Variants in ZFR2 observed in about 807,000 individuals in gnomAD.
ZFR2 encodes zinc finger RNA binding protein 2.
ZFR2 carries 104 observed loss-of-function variants against 105.7 expected under a neutral mutation model. That is an observed-to-expected ratio of 0.98 (90% CI 0.84 to 1.16). ZFR2 has a LOEUF of 1.16. ZFR2 is among the 50% of genes most tolerant of loss of function. The pLI, the probability that ZFR2 is intolerant of heterozygous loss-of-function variation, is 0.00. For missense variants in ZFR2, 1,425 were observed against 1,355.5 expected (o/e 1.05, Z -0.80); for synonymous variants, 634 against 597.7 (o/e 1.06, Z -0.89).
Position 3,827,543 on chromosome 19 carries a change from G to C in ZFR2, c.963C>G (p.Cys321Trp). The C allele has an allele frequency of 6.4e-7, 1 of 1,561,788 alleles. No homozygotes were observed. The change falls in exon 6 of 19, where the codon TGC becomes TGG. Residue 321 changes from cysteine to tryptophan, a missense_variant. Coordinates refer to ENST00000262961, the MANE Select transcript of ZFR2 (RefSeq NM_015174.2). Reference protein sequence around the residue: ...SPRGVQAQLHCDLCAVSCTGA... With the variant: ...SPRGVQAQLHWDLCAVSCTGA... Reference sequence around the variant, plus strand: ...CGGTGCAGGACACGGCGCACAGGTCGCAATGCAGCTGCGCCTGCACCCCGC... The same window carrying C: ...CGGTGCAGGACACGGCGCACAGGTCCCAATGCAGCTGCGCCTGCACCCCGC...
At chr19:3,842,275 A>C (rs545826460) in intron 1 of ZFR2, among the ~76,000 whole-genome samples, 1 of 152,210 alleles carries the variant, frequency 6.6e-6, no homozygotes, top group Non-Finnish European at 1.5e-5. Flanking sequence ...CGGCTTCCCA[A>C]AGCACAGGAA....
intron 1 of ZFR2, among the ~76,000 whole-genome samples, chr19:3,866,393 TGC>T (rs1599261945): frequency 2.7e-5 from 4 of 150,560 alleles, no homozygotes; most frequent in Admixed American, 2.0e-4. Flanking sequence ...AACACCGGGT[TGC>T]GTGTATACTG....
chr19:3,831,004 G>T (rs568461094), intron 5 of ZFR2, among the ~76,000 whole-genome samples: 11 of 150,608 alleles, frequency 7.3e-5, no homozygotes, highest in African/African-American at 2.2e-4. Flanking sequence ...TGCACACACA[G>T]GCACATGCAG....
At chr19:3,832,292 T>C (rs1599237305) in intron 3 of ZFR2, among the ~76,000 whole-genome samples, 1 of 152,106 alleles carries the variant, frequency 6.6e-6, no homozygotes, top group Non-Finnish European at 1.5e-5. Context: ...GAGGCTCACC[T>C]GCAAATCTAG....
chr19:3,847,360 C>A (rs1049572805), intron 1 of ZFR2, among the ~76,000 whole-genome samples: 1 of 151,970 alleles, frequency 6.6e-6, no homozygotes, highest in African/African-American at 2.4e-5. Flanking sequence ...CCCATCTCTA[C>A]TAAAAACACA....
In ZFR2 at chr19:3,813,843, C is replaced by T. The variant is rs766142112; in HGVS notation, c.2219G>A (p.Arg740Gln). The part of the protein sequence containing the change: ...VTISVTSPLM[R>Q]EDPSTDPGVE... ...ACCTGGGTCTGTGGAGGGGTCCTCC[C>T]GCATCAGAGGTGAGGTGACAGATAT... Residue 740 changes from arginine (R) to glutamine (Q), a missense_variant, in exon 14 of 19, where the codon CGG (arginine) becomes CAG (glutamine). By Grantham distance (43) the Arg-to-Gln change is conservative. Coordinates refer to ENST00000262961, the MANE Select transcript of ZFR2 (RefSeq NM_015174.2). The surrounding 1 kb of genome is among the most constrained non-coding windows in gnomAD (Gnocchi z 4.4). 24 of 1,613,738 alleles carry T rather than the reference C, an allele frequency of 1.5e-5. No homozygotes were observed. The highest frequency in any genetic ancestry group is 5.3e-5 in the African/African-American group (4 of 75,000).
intron 1 of ZFR2, among the ~76,000 whole-genome samples, chr19:3,864,551 G>A (rs1436820943): frequency 6.6e-6 from 1 of 152,190 alleles, no homozygotes; most frequent in Non-Finnish European, 1.5e-5. Flanking sequence ...AAAGAGAAAG[G>A]TAACGGCAGA....
chr19:3,823,412 A>G lies in ZFR2; in HGVS notation c.1214-9T>C. The G allele has an allele frequency of 1.9e-6, 3 of 1,596,842 alleles. No homozygotes were observed. Among genetic ancestry groups the G allele is most frequent in the African/African-American group, 1.3e-5 (1 of 74,302 alleles). ...CTGTGGCTCAGGAGGCCCTGAGGGGAAAAACCATGTCACTTATACCCTGTT... is the reference window on the plus strand; with the variant it reads ...CTGTGGCTCAGGAGGCCCTGAGGGGGAAAACCATGTCACTTATACCCTGTT... On this transcript the variant is annotated splice_polypyrimidine_tract_variant and intron_variant, in intron 7 of 18. Transcript: ENST00000262961. This position sits in a 1 kb window ranked among gnomAD's most constrained non-coding sequence, Gnocchi z 5.4.
At chr19:3,841,809 C>CA (rs2038135638) in intron 1 of ZFR2, among the ~76,000 whole-genome samples, 2 of 151,768 alleles carry the variant, frequency 1.3e-5, no homozygotes, top group African/African-American at 4.8e-5. Flanking sequence ...TGTATTGAGA[C>CA]AGAGTCTCAC....
Position 3,831,680 on chromosome 19 carries a change from G to C in ZFR2, c.578C>G (p.Pro193Arg). The change falls in exon 4 of 19, where the codon CCC (proline) becomes CGC (arginine). Residue 193 changes from proline (P) to arginine (R), a missense_variant. Pro to Arg is a moderately radical substitution (Grantham distance 103). Coordinates refer to ENST00000262961, the MANE Select transcript of ZFR2 (RefSeq NM_015174.2). ...VTSYPPPSYN[P>R]TCTAYTAPSY... is the part of the protein sequence containing the mutation. ...CTTACCCGTGTAGGCGGTGCAGGTGGGGTTGTAGGAGGGCGGGGGGTAGGA... is the reference window on the plus strand; with the variant it reads ...CTTACCCGTGTAGGCGGTGCAGGTGCGGTTGTAGGAGGGCGGGGGGTAGGA... The C allele has an allele frequency of 6.4e-7, 1 of 1,564,092 alleles. No homozygotes were observed.
intron 1 of ZFR2, among the ~76,000 whole-genome samples, chr19:3,845,677 T>G (rs1367481198): frequency 6.7e-6 from 1 of 150,062 alleles, no homozygotes; most frequent in African/African-American, 2.5e-5. Context: ...CACCTGTAGT[T>G]CCAGCTACTC....
intron 1 of ZFR2, among the ~76,000 whole-genome samples, chr19:3,842,748 C>T (rs1487938284): frequency 1.3e-5 from 2 of 151,586 alleles, no homozygotes; most frequent in East Asian, 1.9e-4. Flanking sequence ...CTCAGCCTGT[C>T]GAGTAGCTGG....
Position 3,813,810 on chromosome 19 carries a change from T to C in ZFR2, c.2242+10A>G, listed in dbSNP as rs779802704. The C allele has an allele frequency of 6.2e-7, 1 of 1,613,392 alleles. No homozygotes were observed. Among genetic ancestry groups the C allele is most frequent in the South Asian group, 1.1e-5 (1 of 91,070 alleles). On this transcript the variant is annotated intron_variant, in intron 14 of 18. Coordinates refer to ENST00000262961, the MANE Select transcript of ZFR2 (RefSeq NM_015174.2). This position sits in a 1 kb window ranked among gnomAD's most constrained non-coding sequence, Gnocchi z 4.4. ...GGGGACAGTGGTTGGAAGGAAGGGC[T>C]GGGCCGCACCTGGGTCTGTGGAGGG...
At chr19:3,866,724 G>A (rs1185219652) in intron 1 of ZFR2, among the ~76,000 whole-genome samples, 2 of 152,182 alleles carry the variant, frequency 1.3e-5, no homozygotes, top group Non-Finnish European at 2.9e-5. Flanking sequence ...GCAGAGGGGT[G>A]GAGTGTGTCC....
Position 3,836,968 on chromosome 19 carries a change from A to G in ZFR2, c.54-1985T>C, listed in dbSNP as rs571947423. Among the ~76,000 whole-genome samples, 196 of 152,306 alleles carry G rather than the reference A, an allele frequency of 1.3e-3. 3 individuals are homozygous for G. The South Asian group carries it at 0.038, about 29-fold the overall frequency. ...AACCCCATAGGGGAAGGAGCAAGGT[A>G]TGAGGGTCATTTTGGGGAAAATGGA... On this transcript the variant is annotated intron_variant, in intron 1 of 18. Coordinates refer to ENST00000262961, the MANE Select transcript of ZFR2 (RefSeq NM_015174.2).
At chr19:3,863,560 T>C (rs543116997) in intron 1 of ZFR2, among the ~76,000 whole-genome samples, 4 of 152,202 alleles carry the variant, frequency 2.6e-5, no homozygotes, top group Non-Finnish European at 5.9e-5. Context: ...CCCAAAGTGC[T>C]GGGACTGCAG....
Position 3,827,378 on chromosome 19 carries a change from C to T in ZFR2, c.1035+93G>A, listed in dbSNP as rs534363617. 2,786 of 1,379,890 alleles carry T rather than the reference C, an allele frequency of 2.0e-3. 2 individuals are homozygous for T. Among genetic ancestry groups the T allele is most frequent in the Non-Finnish European group, 2.4e-3 (2,605 of 1,069,224 alleles). The allele number at this position is 1,379,890 out of a possible 1,614,324, so 85.5% of individuals were successfully genotyped here. A position where few individuals can be genotyped will look rare whatever the true frequency, so the allele number is the denominator to read the frequency against. On this transcript the variant is annotated intron_variant, in intron 6 of 18. Transcript: ENST00000262961. ...ACTTGGGGAGGCTTCTCCCAGCTCC[C>T]TCTGATCTCCCCAGGTACCTCTGTG...
chr19:3,831,669 C>A lies in ZFR2; in HGVS notation c.589G>T (p.Ala197Ser). ...GGAACGCTGGTCTTACCCGTGTAGG[C>A]GGTGCAGGTGGGGTTGTAGGAGGGC... ...PPPSYNPTCT[A>S]YTAPSYPNYD... Residue 197 changes from alanine (A) to serine (S), a missense_variant, in exon 4 of 19, where the codon GCC (alanine) becomes TCC (serine). Coordinates refer to ENST00000262961, the MANE Select transcript of ZFR2 (RefSeq NM_015174.2). 1.3e-6 allele frequency: 2 copies of A among 1,549,564 alleles called. No individual in the cohort carries two copies. The highest frequency in any genetic ancestry group is 1.7e-6 in the Non-Finnish European group (2 of 1,144,644).
At chr19:3,852,535 T>C in intron 1 of ZFR2, 1 of 718,530 alleles carries the variant, frequency 1.4e-6, no homozygotes, top group Non-Finnish European at 2.6e-6. Context: ...ACAGCGTCAC[T>C]TCCACTGCAG....
Sources: gnomAD v4.1 joint callset for allele counts (sites outside exome capture counted in the v4.1 genomes callset) on GRCh38, gnomAD v4.1.1 for gene constraint, Gnocchi (gnomAD v3.1) non-coding constraint, MANE v1.5 for transcripts, NCBI Gene and HGNC (gene_info 2026-07-23, HGNC 2026-07-21) for gene names.